PRR33: variants seen among roughly 807,000 people sequenced by gnomAD.
The protein encoded by PRR33 is proline-rich protein 33.
Under a neutral mutation model 0.5 loss-of-function variants are expected in PRR33, and 1 was observed. The ratio of observed to expected loss-of-function variants is 2.18; its 90% confidence interval spans 0.77 to 10.34. The LOEUF is 10.34. PRR33 is among the 30% of genes most tolerant of loss of function. PRR33 has a pLI of 0.13. For synonymous variants in PRR33, 226 were observed against 110.0 expected (o/e 2.06, Z -6.60); for missense variants, 552 against 251.8 (o/e 2.19, Z -8.07).
At chr11:1,891,066 A>G (rs517101) in exon 1 of PRR33, 72,314 of 157,814 alleles carry the variant, frequency 0.46, 17,607 homozygotes, top group East Asian at 0.8. Context: ...TCGCCGGCTC[A>G]ACCACAGGCG....
chr11:1,917,653 C>T, the PRR33 span, among the ~76,000 whole-genome samples: 32 of 152,370 alleles, frequency 2.1e-4, no homozygotes, highest in African/African-American at 7.5e-4. Flanking sequence ...TGCAGGCCCT[C>T]GAGGCCGCTG....
the PRR33 span, among the ~76,000 whole-genome samples, chr11:1,914,779 T>G: frequency 6.8e-6 from 1 of 146,478 alleles, no homozygotes; most frequent in African/African-American, 2.6e-5. Context: ...TTTGTGTGTG[T>G]GGGTTGTGGG....
At chr11:1,889,267 G>C in exon 1 of PRR33, 1 of 681,554 alleles carries the variant, frequency 1.5e-6, no homozygotes, top group Non-Finnish European at 2.7e-6. Flanking sequence ...GCGTTGAAGC[G>C]AGGCCGGTAC....
upstream of PRR33, among the ~76,000 whole-genome samples, chr11:1,894,481 C>T (rs945195331): frequency 1.3e-5 from 2 of 152,186 alleles, no homozygotes; most frequent in Admixed American, 6.5e-5. Flanking sequence ...AGCGACCCCC[C>T]CTGCCTCCAC....
At chr11:1,889,257 G>C (rs549880956) in exon 1 of PRR33, 1 of 677,948 alleles carries the variant, frequency 1.5e-6, no homozygotes, top group Admixed American at 2.2e-5. Context: ...CAGCTTCCGG[G>C]CGTTGAAGCG....
the PRR33 span, among the ~76,000 whole-genome samples, chr11:1,898,607 T>C: frequency 6.6e-6 from 1 of 152,140 alleles, no homozygotes; most frequent in Non-Finnish European, 1.5e-5. Context: ...ACAGTGCCCA[T>C]CTAGAAGAGT....
chr11:1,916,948 C>T, the PRR33 span, among the ~76,000 whole-genome samples: 5 of 152,256 alleles, frequency 3.3e-5, no homozygotes, highest in Admixed American at 6.5e-5. Flanking sequence ...AGCCTCTGTC[C>T]TGCCTGCCAG....
the PRR33 span, among the ~76,000 whole-genome samples, chr11:1,913,314 T>G: frequency 2.3e-5 from 1 of 43,286 alleles, no homozygotes; most frequent in East Asian, 3.0e-4. Context: ...TTTTTTTTTT[T>G]GTTTTTTTTT....
At chr11:1,890,387 C>G (rs748594980) in exon 1 of PRR33, 12 of 716,806 alleles carry the variant, frequency 1.7e-5, no homozygotes, top group Non-Finnish European at 2.6e-5. Flanking sequence ...TCACGGGGGA[C>G]AGGGAGGTGC....
upstream of PRR33, among the ~76,000 whole-genome samples, chr11:1,896,107 A>C (rs1849121670): frequency 6.6e-6 from 1 of 152,202 alleles, no homozygotes; most frequent in African/African-American, 2.4e-5. Flanking sequence ...AGTTTTGCTT[A>C]CACTGGTCTT....
the PRR33 span, among the ~76,000 whole-genome samples, chr11:1,897,431 G>A: frequency 6.6e-6 from 1 of 152,150 alleles, no homozygotes; most frequent in African/African-American, 2.4e-5. The surrounding 1 kb of genome is among the most constrained non-coding windows in gnomAD (Gnocchi z 4.0). Flanking sequence ...TCCTTGTGCT[G>A]GAATTTCATG....
chr11:1,898,076 A>G, the PRR33 span, among the ~76,000 whole-genome samples: 6 of 152,166 alleles, frequency 3.9e-5, no homozygotes, highest in African/African-American at 1.4e-4. Context: ...TCCATGTGCC[A>G]CAAGAAGCAT....
At chr11:1,904,744 G>A in the PRR33 span, among the ~76,000 whole-genome samples, 1 of 151,616 alleles carries the variant, frequency 6.6e-6, no homozygotes, top group Non-Finnish European at 1.5e-5. Flanking sequence ...CCTGACCTCA[G>A]GTGATCCACC....
rs549880956 is a variant in PRR33, at chr11:1,889,257, G to A, written c.1328C>T (p.Ala443Val). The A allele has an allele frequency of 3.0e-5, 20 of 677,948 alleles. No individual in the cohort carries two copies. In the African/African-American group the frequency reaches 3.6e-4, roughly 12 times the overall value. 42.0% of individuals were successfully genotyped at this position (677,948 alleles called of 1,614,324 possible). ...CCGGGTGGCCTCCTGCAGCTTCCGG[G>A]CGTTGAAGCGAGGCCGGTACAGGAA... is the stretch of plus-strand genomic sequence containing the variant. Residue 443 changes from alanine (A) to valine (V), a missense_variant, in exon 1 of 1, where the codon GCC (alanine) becomes GTC (valine). Coordinates refer to ENST00000640310, the Ensembl canonical transcript of PRR33.
chr11:1,910,473 C>G, the PRR33 span, among the ~76,000 whole-genome samples: 1 of 152,206 alleles, frequency 6.6e-6, no homozygotes, highest in African/African-American at 2.4e-5. Flanking sequence ...TGGTCTCGAA[C>G]TCCTGACCAA....
At chr11:1,912,665 C>T in the PRR33 span, among the ~76,000 whole-genome samples, 23 of 152,206 alleles carry the variant, frequency 1.5e-4, no homozygotes, top group African/African-American at 5.3e-4. Flanking sequence ...AGCGCAGTGG[C>T]GAGATCACGG....
upstream of PRR33, among the ~76,000 whole-genome samples, chr11:1,894,357 C>T (rs1849101401): frequency 6.6e-6 from 1 of 152,142 alleles, no homozygotes; most frequent in Non-Finnish European, 1.5e-5. Context: ...CTTCAGCCTC[C>T]CAAGTAGCTG....
chr11:1,916,535 C>T, the PRR33 span, among the ~76,000 whole-genome samples: 1 of 152,024 alleles, frequency 6.6e-6, no homozygotes, highest in African/African-American at 2.4e-5. Flanking sequence ...CCGCTTGGGA[C>T]GGTGACCAAG....
At chr11:1,913,889 C>A in the PRR33 span, among the ~76,000 whole-genome samples, 1 of 152,252 alleles carries the variant, frequency 6.6e-6, no homozygotes, top group African/African-American at 2.4e-5. Flanking sequence ...CTGCCACGGG[C>A]TCCCACTGCA....
Sources: gnomAD v4.1 joint callset for allele counts (sites outside exome capture counted in the v4.1 genomes callset) on GRCh38, gnomAD v4.1.1 for gene constraint, Gnocchi (gnomAD v3.1) non-coding constraint, MANE v1.5 for transcripts, NCBI Gene and HGNC (gene_info 2026-07-23, HGNC 2026-07-21) for gene names.